Variants in DMD observed in about 807,000 individuals in gnomAD.
DMD encodes mutant dystrophin.
DMD carries 63 observed loss-of-function variants against 330.1 expected under a neutral mutation model. The observed-to-expected ratio is 0.19, with a 90% confidence interval of 0.16 to 0.24. DMD has a LOEUF of 0.24. Among genes scored for constraint, DMD ranks in the 10% least tolerant of loss-of-function variants. DMD has a pLI of 1.00. For synonymous variants in DMD, 1,223 were observed against 959.8 expected, an observed-to-expected ratio of 1.27 and a Z score of -5.07; for missense variants, 3,344 against 2,684.1, an observed-to-expected ratio of 1.25 and a Z score of -5.43.
intron 54 of DMD, among the ~76,000 whole-genome samples, chrX:31,637,139 C>T (rs988209579): frequency 6.3e-5 from 7 of 111,740 alleles, no homozygotes; most frequent in Non-Finnish European, 1.1e-4. Context: ...ATTAATTTGT[C>T]GAAGTGACTT....
chrX:31,899,669 G>A (rs910584749), intron 47 of DMD, among the ~76,000 whole-genome samples: 4 of 110,786 alleles, frequency 3.6e-5, no homozygotes, highest in Admixed American at 1.9e-4. Context: ...TCCATACAGC[G>A]ATTATTTATT....
intron 7 of DMD, among the ~76,000 whole-genome samples, chrX:32,769,533 T>C (rs2073374468): frequency 8.9e-6 from 1 of 111,975 alleles, no homozygotes; most frequent in Non-Finnish European, 1.9e-5. Flanking sequence ...TAAACTATTG[T>C]TTTAAGCTCC....
chrX:31,180,090 C>T (rs1163898571), intron 69 of DMD, among the ~76,000 whole-genome samples: 32 of 111,122 alleles, frequency 2.9e-4, no homozygotes, highest in Non-Finnish European at 5.7e-5. Context: ...GCAAAATAAA[C>T]GTGAAAACGT....
At chrX:32,653,276 T>C (rs1302542827) in intron 9 of DMD, among the ~76,000 whole-genome samples, 2 of 111,927 alleles carry the variant, frequency 1.8e-5, no homozygotes, top group Non-Finnish European at 3.8e-5. Flanking sequence ...TTCTTCTAGG[T>C]TTTTATGGTT....
At chrX:31,432,219 A>G (rs2064142916) in intron 60 of DMD, among the ~76,000 whole-genome samples, 1 of 112,046 alleles carries the variant, frequency 8.9e-6, no homozygotes. Flanking sequence ...TCACATGTCT[A>G]GAAAGAAATT....
chrX:31,389,897 A>G (rs1212942894), intron 60 of DMD, among the ~76,000 whole-genome samples: 1 of 112,337 alleles, frequency 8.9e-6, no homozygotes, highest in Non-Finnish European at 1.9e-5. Flanking sequence ...AATAAATGAT[A>G]TAGAGCTCAG....
chrX:31,444,759 T>A (rs190253022), intron 59 of DMD, 132 bp from the exon 60 acceptor site: 2 of 713,465 alleles, frequency 2.8e-6, no homozygotes, highest in Non-Finnish European at 4.2e-6. Context: ...AATGTTTGTG[T>A]CCCCCCTCAA....
In DMD at chrX:32,448,439, C is replaced by A. The variant is rs754831255; in HGVS notation, c.3786+17G>T. 63 of 1,203,954 alleles carry A rather than the reference C, an allele frequency of 5.2e-5. No individual in the cohort carries two copies. Among genetic ancestry groups the A allele is most frequent in the Non-Finnish European group, 7.1e-5 (63 of 890,472 alleles). On this transcript the variant is annotated intron_variant, in intron 27 of 78. Coordinates refer to ENST00000357033, the MANE Select transcript of DMD (RefSeq NM_004006.3). ...GTATTGACATATCATTGACAAAGAC[C>A]AAGAAAAGCAACTGACTTCCAAAGT...
intron 1 of DMD, among the ~76,000 whole-genome samples, chrX:33,089,128 C>T (rs1036143800): frequency 4.9e-5 from 5 of 101,424 alleles, no homozygotes; most frequent in Non-Finnish European, 9.9e-5. Flanking sequence ...TGCAGTGTCA[C>T]GATCTCGGCT....
chrX:32,098,197 C>T (rs1198979507), intron 44 of DMD, among the ~76,000 whole-genome samples: 1 of 110,843 alleles, frequency 9.0e-6, no homozygotes, highest in Non-Finnish European at 1.9e-5. Flanking sequence ...GATGTATATA[C>T]ATGTAAATGC....
At chrX:32,682,819 G>A (rs1393263022) in intron 9 of DMD, among the ~76,000 whole-genome samples, 1 of 111,844 alleles carries the variant, frequency 8.9e-6, no homozygotes, top group Non-Finnish European at 1.9e-5. Flanking sequence ...GTTGTGAACT[G>A]AAGCAGATAT....
chrX:32,775,276 TG>T (rs1387747896), intron 7 of DMD, among the ~76,000 whole-genome samples: 2 of 112,318 alleles, frequency 1.8e-5, no homozygotes, highest in Non-Finnish European at 3.8e-5. Flanking sequence ...TCTACCATTC[TG>T]GGGTCTAGAT....
intron 5 of DMD, among the ~76,000 whole-genome samples, chrX:32,822,228 T>A (rs1569528987): frequency 9.0e-6 from 1 of 111,345 alleles, no homozygotes; most frequent in African/African-American, 3.3e-5. Context: ...TCCCACTTAA[T>A]CGTGATAAGA....
At chrX:31,248,755 C>T (rs1214608058) in intron 63 of DMD, among the ~76,000 whole-genome samples, 3 of 111,883 alleles carry the variant, frequency 2.7e-5, no homozygotes, top group Non-Finnish European at 5.6e-5. Context: ...GCCTAGAGGG[C>T]AGGCGGAAAG....
chrX:31,209,368 T>G, intron 65 of DMD, 130 bp downstream of exon 65: 1 of 662,076 alleles, frequency 1.5e-6, no homozygotes, highest in Non-Finnish European at 2.4e-6. Context: ...AATGCAAAAA[T>G]GATTTATCAC....
At chrX:31,930,099 T>C (rs1163697760) in intron 46 of DMD, among the ~76,000 whole-genome samples, 1 of 111,264 alleles carries the variant, frequency 9.0e-6, no homozygotes, top group Non-Finnish European at 1.9e-5. Context: ...TTGGGTATCA[T>C]AGCATGCCAT....
chrX:32,879,100 C>T (rs1382439249), intron 2 of DMD, among the ~76,000 whole-genome samples: 4 of 110,736 alleles, frequency 3.6e-5, no homozygotes, highest in Non-Finnish European at 7.6e-5. Flanking sequence ...GACATAATAT[C>T]CATGTGTATC....
At chrX:31,245,761 G>A (rs774704191) in intron 63 of DMD, among the ~76,000 whole-genome samples, 24 of 111,476 alleles carry the variant, frequency 2.2e-4, no homozygotes, top group South Asian at 1.2e-3. Flanking sequence ...ACATAAGATG[G>A]CAAACTTAAT....
intron 9 of DMD, among the ~76,000 whole-genome samples, chrX:32,661,283 A>G (rs1014638465): frequency 2.2e-4 from 24 of 111,198 alleles, no homozygotes; most frequent in Admixed American, 2.0e-3. Flanking sequence ...GAACTGAAGT[A>G]TAGTGAATTA....
Sources: gnomAD v4.1 joint callset for allele counts (sites outside exome capture counted in the v4.1 genomes callset) on GRCh38, gnomAD v4.1.1 for gene constraint, MANE v1.5 for transcripts, NCBI Gene and HGNC (gene_info 2026-07-23, HGNC 2026-07-21) for gene names.